Variants in CDIN1 observed in about 807,000 individuals in gnomAD.
CDIN1 encodes the protein CDAN1 interacting nuclease 1.
Under a neutral mutation model 45.3 loss-of-function variants are expected in CDIN1, and 33 were observed. The ratio of observed to expected loss-of-function variants is 0.73; its 90% CI spans 0.55 to 0.97. The LOEUF (loss-of-function observed/expected upper bound fraction) is 0.97. Among genes scored for constraint, CDIN1 ranks in the 50% least tolerant of loss-of-function variants. The probability of loss-of-function intolerance (pLI) is 0.00; values close to 1 mark genes in which losing one functional copy is unlikely to be tolerated. For synonymous variants in CDIN1, 118 were observed against 124.4 expected (o/e 0.95, Z 0.34); for missense variants, 303 against 339.4 (o/e 0.89, Z 0.84).
intron 10 of CDIN1, among the ~76,000 whole-genome samples, chr15:36,711,182 A>T (rs771301848): frequency 6.6e-6 from 1 of 152,138 alleles, no homozygotes; most frequent in Non-Finnish European, 1.5e-5. Context: ...ATAGTAAAGA[A>T]AGCATCATTT....
At chr15:36,743,571 C>A (rs1319789718) in intron 10 of CDIN1, among the ~76,000 whole-genome samples, 1 of 152,010 alleles carries the variant, frequency 6.6e-6, no homozygotes, top group African/African-American at 2.4e-5. Context: ...ATTATATATA[C>A]CCTCAGTGTT....
chr15:36,635,274 T>A (rs1221822534), intron 1 of CDIN1, among the ~76,000 whole-genome samples: 1 of 152,232 alleles, frequency 6.6e-6, no homozygotes, highest in Non-Finnish European at 1.5e-5. Context: ...GAATTCTGTC[T>A]GGAGAAAACA....
intron 1 of CDIN1, chr15:36,594,923 G>A (rs2037743289): frequency 1.0e-6 from 1 of 984,892 alleles, no homozygotes; most frequent in Non-Finnish European, 1.2e-6. Flanking sequence ...GTTGTGGTAA[G>A]TTCATCTGTT....
chr15:36,701,106 A>ATAGG (rs2042616535), intron 8 of CDIN1, among the ~76,000 whole-genome samples: 2 of 88,266 alleles, frequency 2.3e-5, no homozygotes, highest in Non-Finnish European at 4.6e-5. Flanking sequence ...AGGTAGATAG[A>ATAGG]TAGATAGATA....
chr15:36,629,475 A>G (rs2039589550), intron 1 of CDIN1, among the ~76,000 whole-genome samples: 2 of 152,186 alleles, frequency 1.3e-5, no homozygotes, highest in African/African-American at 4.8e-5. Flanking sequence ...GAGTAGAAAG[A>G]TTATTTGTTA....
intron 10 of CDIN1, among the ~76,000 whole-genome samples, chr15:36,761,910 C>A (rs1007720461): frequency 1.3e-5 from 2 of 152,124 alleles, no homozygotes. Flanking sequence ...ATGACTAACA[C>A]TAATAAATTT....
chr15:36,799,873 T>G (rs1211368995), intron 10 of CDIN1: 1 of 152,186 alleles, frequency 6.6e-6, no homozygotes, highest in East Asian at 1.9e-4. Flanking sequence ...ACAAAATCAC[T>G]TCTGCCTTTG....
intron 1 of CDIN1, among the ~76,000 whole-genome samples, chr15:36,642,117 A>G (rs2040134596): frequency 6.6e-6 from 1 of 152,210 alleles, no homozygotes. Flanking sequence ...CCACCTGCCC[A>G]GTATTTCCCT....
chr15:36,608,846 C>T (rs1595737504), intron 1 of CDIN1, among the ~76,000 whole-genome samples: 1 of 152,004 alleles, frequency 6.6e-6, no homozygotes, highest in Non-Finnish European at 1.5e-5. Context: ...CCTGAATCTC[C>T]TGAATATAAC....
intron 10 of CDIN1, among the ~76,000 whole-genome samples, chr15:36,745,807 A>T (rs2140953569): frequency 6.6e-6 from 1 of 152,186 alleles, no homozygotes; most frequent in Middle Eastern, 3.4e-3. Flanking sequence ...CTCTACTAAA[A>T]ATGCAAAAAT....
intron 1 of CDIN1, among the ~76,000 whole-genome samples, chr15:36,598,999 T>TCTTTTAGCTGTACGCTGCATTGCCTA (rs1465937025): frequency 1.3e-5 from 2 of 152,160 alleles, no homozygotes; most frequent in Non-Finnish European, 2.9e-5. Context: ...TGCCTAGCAT[T>TCTTTTAGCTGTACGCTGCATTGCCTA]GTAGTGTTCT....
chr15:36,637,282 C>G (rs1383783585), intron 1 of CDIN1, among the ~76,000 whole-genome samples: 1 of 152,186 alleles, frequency 6.6e-6, no homozygotes, highest in Non-Finnish European at 1.5e-5. Context: ...AAAGCCGAAA[C>G]TATTAATCTT....
intron 5 of CDIN1, chr15:36,691,058 G>A (rs916284092): frequency 1.3e-5 from 6 of 464,568 alleles, no homozygotes; most frequent in African/African-American, 6.1e-5. Context: ...GTGTGTGTGT[G>A]TCTCTCTCTG....
intron 10 of CDIN1, chr15:36,799,519 G>C (rs914941597): frequency 6.6e-6 from 1 of 152,136 alleles, no homozygotes; most frequent in African/African-American, 2.4e-5. Flanking sequence ...GTATCATGGA[G>C]AAAGTTTAAA....
chr15:36,697,465 A>T, intron 8 of CDIN1, 75 bp downstream of exon 8: 2 of 1,192,194 alleles, frequency 1.7e-6, no homozygotes, highest in Non-Finnish European at 2.4e-6. Flanking sequence ...AAAATCTTCC[A>T]CTAAAGGAAG....
At chr15:36,626,719 A>T in intron 1 of CDIN1, 1 of 433,268 alleles carries the variant, frequency 2.3e-6, no homozygotes, top group African/African-American at 2.0e-5. Flanking sequence ...GGTTCACCTG[A>T]AAATATCCTT....
At position 36,667,125 on chromosome 15, in the gene CDIN1, G is replaced by T. The variant is rs115320781; in HGVS notation, c.346+9220G>T. Among the ~76,000 whole-genome samples the T allele has an allele frequency of 3.5e-3, 538 of 152,266 alleles. 3 individuals carry two copies. The highest frequency in any genetic ancestry group is 0.012 in the African/African-American group (508 of 41,574). ...TATAGCACAGTTTTGTCTTCTGAAAGTTAGTTACGTAGCAAATCATTTTCA... is the reference window on the plus strand; with the variant it reads ...TATAGCACAGTTTTGTCTTCTGAAATTTAGTTACGTAGCAAATCATTTTCA... On this transcript the variant is annotated intron_variant, in intron 5 of 10. Coordinates refer to ENST00000566621, the MANE Select transcript of CDIN1 (RefSeq NM_001321759.2).
At chr15:36,754,019 AAG>A (rs1469561391) in intron 10 of CDIN1, among the ~76,000 whole-genome samples, 1 of 152,186 alleles carries the variant, frequency 6.6e-6, no homozygotes, top group African/African-American at 2.4e-5. Context: ...TTCAAAACGT[AAG>A]AAAGCATGCT....
chr15:36,713,029 A>G (rs1373175675), intron 10 of CDIN1, among the ~76,000 whole-genome samples: 1 of 152,182 alleles, frequency 6.6e-6, no homozygotes, highest in Non-Finnish European at 1.5e-5. Context: ...TCTATTACTA[A>G]GTATACTTTT....
Sources: gnomAD v4.1 joint callset for allele counts (sites outside exome capture counted in the v4.1 genomes callset) on GRCh38, gnomAD v4.1.1 for gene constraint, MANE v1.5 for transcripts, NCBI Gene and HGNC (gene_info 2026-07-23, HGNC 2026-07-21) for gene names.